The following TANC2 variants were observed in gnomAD, a reference collection of about 807,000 sequenced individuals.
TANC2 encodes tetratricopeptide repeat, ankyrin repeat and coiled-coil containing 2, also known as protein TANC2.
In TANC2, 26 loss-of-function variants were observed where a neutral mutation model predicts 210.5. The observed-to-expected ratio is 0.12, with a 90% CI of 0.09 to 0.17. The LOEUF (loss-of-function observed/expected upper bound fraction) is 0.17, where lower values mean the gene tolerates loss of function less well. Ranked by LOEUF, TANC2 falls within the 10% of genes least tolerant of loss-of-function variation. TANC2 has a pLI of 1.00. For missense variants in TANC2, 2,129 were observed against 2,608.9 expected, an observed-to-expected ratio of 0.82 and a Z score of 4.01; for synonymous variants, 931 against 967.1, an observed-to-expected ratio of 0.96 and a Z score of 0.69.
chr17:63,013,762 T>A (rs866511833), intron 2 of TANC2, among the ~76,000 whole-genome samples: 21 of 101,766 alleles, frequency 2.1e-4, no homozygotes, highest in Non-Finnish European at 2.4e-4. Context: ...ACCCTGTCTT[T>A]AAAAAAAAAA....
chr17:63,073,839 C>T, intron 2 of TANC2, 104 bp from the exon 3 acceptor site: 1 of 963,736 alleles, frequency 1.0e-6, no homozygotes, highest in Non-Finnish European at 1.5e-6. Context: ...ATAGGAAATA[C>T]AAATAAATGA....
chr17:63,036,472 T>C (rs1258367903), intron 2 of TANC2, among the ~76,000 whole-genome samples: 4 of 152,212 alleles, frequency 2.6e-5, no homozygotes, highest in African/African-American at 9.6e-5. Context: ...CTGATCTCTT[T>C]GTATTCTTTT....
chr17:63,128,171 G>A (rs894205692), intron 4 of TANC2, among the ~76,000 whole-genome samples: 1 of 152,054 alleles, frequency 6.6e-6, no homozygotes, highest in African/African-American at 2.4e-5. Context: ...AAAGTAAGGT[G>A]CTAAAAAAAT....
At chr17:63,358,376 A>AGAGAGTGTGTGTGTGTGTGTGTGTGT (rs1470682571) in intron 14 of TANC2, among the ~76,000 whole-genome samples, 2 of 80,942 alleles carry the variant, frequency 2.5e-5, no homozygotes, top group African/African-American at 3.7e-5. Context: ...AGAGAGAGAG[A>AGAGAGTGTGTGTGTGTGTGTGTGTGT]GTATGTGTGT....
intron 9 of TANC2, among the ~76,000 whole-genome samples, chr17:63,277,078 A>G (rs1242444227): frequency 6.6e-6 from 1 of 152,108 alleles, no homozygotes; most frequent in African/African-American, 2.4e-5. Flanking sequence ...CTCTTCCTAA[A>G]TAGTACTTCA....
At chr17:63,389,287 G>T (rs775305616) in intron 16 of TANC2, 21 bp from the exon 17 acceptor site, 2 of 1,583,922 alleles carry the variant, frequency 1.3e-6, no homozygotes, top group East Asian at 2.2e-5. Context: ...CTAATTATTA[G>T]TTCTGTTTGT....
intron 2 of TANC2, among the ~76,000 whole-genome samples, chr17:63,066,254 C>T (rs934745665): frequency 6.6e-6 from 1 of 152,020 alleles, no homozygotes; most frequent in Non-Finnish European, 1.5e-5. Flanking sequence ...TGTGGCTGGC[C>T]TGGAGTCTGA....
intron 3 of TANC2, among the ~76,000 whole-genome samples, chr17:63,077,639 G>A (rs1292883786): frequency 3.3e-5 from 5 of 152,086 alleles, no homozygotes; most frequent in Non-Finnish European, 1.5e-5. Flanking sequence ...AAAATAGTAA[G>A]CAAAAGAAAG....
In TANC2 at chr17:63,420,494, C is replaced by G; in HGVS notation, c.4764C>G (p.His1588Gln). The change falls in exon 28 of 28, where the codon CAC becomes CAG. Residue 1588 changes from histidine to glutamine, a missense_variant. By Grantham distance (24) the His-to-Gln change is conservative. This residue lies in a region of TANC2 where 584 missense variants were observed against 627.3 expected (regional missense o/e 0.93). Transcript: ENST00000689528. The surrounding 1 kb of genome is among the most constrained non-coding windows in gnomAD (Gnocchi z 4.2). The stretch of plus-strand genomic sequence containing the variant: ...CACATTACAGGCCTAGCCCACCACA[C>G]ACTTCCCCGGCTCATCAGGGAGGAT... The G allele has an allele frequency of 1.2e-6, 2 of 1,613,988 alleles. No homozygotes were observed. Among genetic ancestry groups the G allele is most frequent in the Non-Finnish European group, 1.7e-6 (2 of 1,179,866 alleles).
intron 1 of TANC2, among the ~76,000 whole-genome samples, chr17:62,980,163 AACT>A (rs1279592569): frequency 2.0e-4 from 30 of 152,224 alleles, no homozygotes; most frequent in African/African-American, 6.5e-4. Context: ...CTGTACCTGA[AACT>A]GAGCTCTCTT....
intron 11 of TANC2, among the ~76,000 whole-genome samples, chr17:63,335,748 G>A (rs1194896252): frequency 6.6e-6 from 1 of 152,096 alleles, no homozygotes; most frequent in East Asian, 1.9e-4. Context: ...AAGACATAGT[G>A]GAAAAACTGT....
At chr17:62,998,197 A>G (rs555625630) in intron 1 of TANC2, among the ~76,000 whole-genome samples, 55 of 152,350 alleles carry the variant, frequency 3.6e-4, no homozygotes, top group African/African-American at 1.3e-3. Context: ...GTTCTCTGAA[A>G]TAACTCAGAC....
intron 14 of TANC2, among the ~76,000 whole-genome samples, chr17:63,370,165 C>T (rs141934044): frequency 2.2e-4 from 34 of 151,270 alleles, no homozygotes; most frequent in Admixed American, 8.5e-4. Flanking sequence ...TTCCTTAGTC[C>T]TCCTTTCTTT....
At chr17:63,083,714 A>G (rs1024415838) in intron 3 of TANC2, among the ~76,000 whole-genome samples, 14 of 152,134 alleles carry the variant, frequency 9.2e-5, no homozygotes, top group African/African-American at 3.4e-4. Context: ...GATATTGTCA[A>G]ATGCTTTTTA....
At position 63,015,224 on chromosome 17, in the gene TANC2, TC is replaced by T. The variant is rs527272843; in HGVS notation, c.67+5599del. Among the ~76,000 whole-genome samples the T allele has an allele frequency of 2.1e-4, 32 of 152,190 alleles. No individual in the cohort carries two copies. The South Asian group carries it at 6.6e-3, about 32-fold the overall frequency. ...GAAGGGAATTATCTGTCTTAATTTGTCTTTTAAATAGCTGATCTGAATTTTT... is the reference window on the plus strand; with the variant it reads ...GAAGGGAATTATCTGTCTTAATTTGTTTTTAAATAGCTGATCTGAATTTTT... On this transcript the variant is annotated intron_variant, in intron 2 of 27. Transcript: ENST00000689528.
chr17:63,043,920 A>G (rs1265703184), intron 2 of TANC2, among the ~76,000 whole-genome samples: 1 of 152,138 alleles, frequency 6.6e-6, no homozygotes, highest in Non-Finnish European at 1.5e-5. Flanking sequence ...GCCAACATCT[A>G]TCAGTCATCA....
chr17:63,212,674 C>G (rs1242569664), intron 7 of TANC2, among the ~76,000 whole-genome samples: 1 of 152,184 alleles, frequency 6.6e-6, no homozygotes, highest in African/African-American at 2.4e-5. Context: ...TCAAACGATA[C>G]TCCCACTTCA....
At chr17:62,989,816 G>T (rs2143556815) in intron 1 of TANC2, among the ~76,000 whole-genome samples, 1 of 130,562 alleles carries the variant, frequency 7.7e-6, no homozygotes, top group African/African-American at 3.1e-5. Flanking sequence ...CTGTCGCCCA[G>T]CCTGGAGTGC....
At chr17:63,084,103 A>T (rs762072356) in intron 3 of TANC2, among the ~76,000 whole-genome samples, 6 of 152,188 alleles carry the variant, frequency 3.9e-5, no homozygotes, top group South Asian at 2.1e-4. Context: ...CAGTGAACCC[A>T]TCTGGGCCTG....
Sources: allele counts gnomAD v4.1 joint callset (sites outside exome capture counted in the v4.1 genomes callset), GRCh38; gene constraint gnomAD v4.1.1; regional missense constraint gnomAD v4.1.1; non-coding constraint Gnocchi (gnomAD v3.1); transcripts MANE v1.5; gene names NCBI Gene and HGNC (gene_info 2026-07-23, HGNC 2026-07-21).